The following CPNE8 variants were observed in gnomAD, a reference collection of about 807,000 sequenced individuals.
CPNE8 encodes copine 8, also known as copine-8.
In CPNE8, 45 loss-of-function variants were observed where a neutral mutation model predicts 81.5. The observed-to-expected ratio is 0.55, with a 90% CI of 0.44 to 0.71. The LOEUF is 0.71. CPNE8 is among the 30% of genes least tolerant of loss of function. The probability of loss-of-function intolerance (pLI) is 0.00; values close to 1 mark genes in which losing one functional copy is unlikely to be tolerated. For missense variants in CPNE8, 594 were observed against 672.1 expected (o/e 0.88, Z 1.28); for synonymous variants, 252 against 226.3 (o/e 1.11, Z -1.02).
At chr12:38,802,769 T>C (rs1439619944) in intron 6 of CPNE8, among the ~76,000 whole-genome samples, 4 of 141,942 alleles carry the variant, frequency 2.8e-5, no homozygotes, top group Admixed American at 7.0e-5. Flanking sequence ...GCAAGACTAA[T>C]AAAGAAAAAA....
intron 10 of CPNE8, among the ~76,000 whole-genome samples, chr12:38,754,465 A>C (rs1423138355): frequency 6.6e-6 from 1 of 152,154 alleles, no homozygotes; most frequent in African/African-American, 2.4e-5. Flanking sequence ...TATTGTATAA[A>C]GATTGAAGTT....
At chr12:38,735,653 CA>C (rs899543020) in intron 10 of CPNE8, among the ~76,000 whole-genome samples, 6 of 152,080 alleles carry the variant, frequency 3.9e-5, no homozygotes, top group Non-Finnish European at 8.8e-5. Context: ...TCAACACAAT[CA>C]AGCCTTTTTT....
chr12:38,811,947 T>C (rs1181064216), intron 6 of CPNE8, among the ~76,000 whole-genome samples: 1 of 152,196 alleles, frequency 6.6e-6, no homozygotes, highest in Non-Finnish European at 1.5e-5. Context: ...TGAAGAAATA[T>C]GGTCCCTAGC....
At position 38,723,800 on chromosome 12, in the gene CPNE8, C is replaced by T; in HGVS notation, c.886G>A (p.Val296Ile). The change falls in exon 13 of 20, where the codon GTT becomes ATT. Residue 296 changes from valine (V) to isoleucine (I), a missense_variant. Val to Ile is a conservative substitution (Grantham distance 29). Transcript: ENST00000331366. ...TLLSFLVETEVSFLDYIKGGT... is the reference protein window; with the variant it reads ...TLLSFLVETEISFLDYIKGGT... ...CCCTTAATGTAGTCAAGGAATGAAA[C>T]TTCTGTTTCTACCAAGAAAGAGAGT... is the stretch of plus-strand genomic sequence containing the variant. The T allele has an allele frequency of 6.3e-7, 1 of 1,590,244 alleles. No homozygotes were observed. Among genetic ancestry groups the T allele is most frequent in the South Asian group, 1.1e-5 (1 of 90,044 alleles).
At chr12:38,780,615 A>G (rs1942030155) in intron 6 of CPNE8, among the ~76,000 whole-genome samples, 1 of 152,220 alleles carries the variant, frequency 6.6e-6, no homozygotes, top group Middle Eastern at 3.4e-3. Flanking sequence ...AAGACAGATG[A>G]TCGACAAAGA....
At chr12:38,736,819 TGTAACTTAATCTATTAAAAA>T (rs1174308899) in intron 10 of CPNE8, among the ~76,000 whole-genome samples, 1 of 152,052 alleles carries the variant, frequency 6.6e-6, no homozygotes, top group East Asian at 1.9e-4. Context: ...GTTTCACAAA[TGTAACTTAATCTATTAAAAA>T]GTAGAATGGA....
At chr12:38,791,406 T>C (rs949843288) in intron 6 of CPNE8, among the ~76,000 whole-genome samples, 10 of 151,396 alleles carry the variant, frequency 6.6e-5, no homozygotes, top group Admixed American at 5.9e-4. Flanking sequence ...AACCAAAAAA[T>C]TGAGTTACAG....
At chr12:38,871,327 C>T (rs778407254) in intron 3 of CPNE8, among the ~76,000 whole-genome samples, 1 of 152,176 alleles carries the variant, frequency 6.6e-6, no homozygotes, top group African/African-American at 2.4e-5. Context: ...ACTTAGGTAT[C>T]CTTATCCTGG....
intron 4 of CPNE8, among the ~76,000 whole-genome samples, chr12:38,840,354 G>T (rs1943448372): frequency 6.6e-6 from 1 of 152,018 alleles, no homozygotes; most frequent in African/African-American, 2.4e-5. Flanking sequence ...ATTTTAAAGG[G>T]CAACATGAGG....
Position 38,853,423 on chromosome 12 carries a change from C to T in CPNE8, c.187-4761G>A, listed in dbSNP as rs113728529. 5.5e-3 allele frequency among the ~76,000 whole-genome samples: 840 copies of T among 152,044 alleles called. 13 individuals are homozygous for T. Among genetic ancestry groups the T allele is most frequent in the African/African-American group, 0.019 (799 of 41,476 alleles). On this transcript the variant is annotated intron_variant, in intron 3 of 19. Transcript: ENST00000331366. ...CTAGATTATCAAAAGTACCTATGAACCTAATTACAATAACCTCTGGCACAA... is the reference window on the plus strand; with the variant it reads ...CTAGATTATCAAAAGTACCTATGAATCTAATTACAATAACCTCTGGCACAA...
intron 8 of CPNE8, 60 bp downstream of exon 8, chr12:38,767,575 T>A: frequency 9.9e-7 from 1 of 1,009,274 alleles, no homozygotes; most frequent in Non-Finnish European, 1.4e-6. Context: ...CTGAGAAAAA[T>A]AATTATAATT....
chr12:38,673,494 T>G (rs1026763263), intron 18 of CPNE8, among the ~76,000 whole-genome samples: 1 of 152,120 alleles, frequency 6.6e-6, no homozygotes, highest in East Asian at 1.9e-4. Context: ...AAATTTTTTT[T>G]AAGCCATGAA....
At chr12:38,874,663 GT>G in intron 1 of CPNE8, 152 bp from the exon 2 acceptor site, 1 of 480,510 alleles carries the variant, frequency 2.1e-6, no homozygotes, top group Non-Finnish European at 3.7e-6. Context: ...AAATAAACAT[GT>G]CCCAAGGGTC....
intron 4 of CPNE8, among the ~76,000 whole-genome samples, chr12:38,844,771 C>A (rs1040237930): frequency 6.6e-6 from 1 of 152,016 alleles, no homozygotes; most frequent in African/African-American, 2.4e-5. Context: ...AAAGCCATTT[C>A]TAAAACCTGT....
intron 19 of CPNE8, among the ~76,000 whole-genome samples, chr12:38,663,173 G>C (rs943430228): frequency 6.6e-6 from 1 of 151,936 alleles, no homozygotes; most frequent in Non-Finnish European, 1.5e-5. Flanking sequence ...CAACAGCAAA[G>C]GAAGTAATCA....
chr12:38,712,353 A>G (rs1395609573), intron 13 of CPNE8, among the ~76,000 whole-genome samples: 2 of 151,834 alleles, frequency 1.3e-5, no homozygotes, highest in East Asian at 1.9e-4. Flanking sequence ...GGGAGAACAC[A>G]CATGTGCCAC....
At chr12:38,671,235 G>A (rs1361764848) in intron 18 of CPNE8, among the ~76,000 whole-genome samples, 1 of 151,992 alleles carries the variant, frequency 6.6e-6, no homozygotes, top group East Asian at 1.9e-4. Context: ...TCAATTACAA[G>A]TTGAACTTTA....
Position 38,900,961 on chromosome 12 carries a change from C to T in CPNE8, c.98+4476G>A, listed in dbSNP as rs143579108. On this transcript the variant is annotated intron_variant, in intron 1 of 19. Transcript: ENST00000331366. ...TTGGCCAGGGGGGCAGTGGCTCAGG[C>T]CTATAATCCCAGCACTTTGGGAAGC... is the stretch of plus-strand genomic sequence containing the variant. Among the ~76,000 whole-genome samples, 737 of 152,240 alleles carry T rather than the reference C, an allele frequency of 4.8e-3. 5 individuals carry two copies. Among genetic ancestry groups the T allele is most frequent in the African/African-American group, 0.017 (690 of 41,532 alleles).
intron 1 of CPNE8, 68 bp downstream of exon 1, chr12:38,905,369 G>A (rs1944553443): frequency 2.0e-6 from 3 of 1,510,492 alleles, no homozygotes; most frequent in South Asian, 2.4e-5. Context: ...GGTACCCCGA[G>A]CGCTCTCCAA....
Sources: allele counts gnomAD v4.1 joint callset (sites outside exome capture counted in the v4.1 genomes callset), GRCh38; gene constraint gnomAD v4.1.1; transcripts MANE v1.5; gene names NCBI Gene and HGNC (gene_info 2026-07-23, HGNC 2026-07-21).